The following TNC variants were observed in gnomAD, a reference collection of about 807,000 sequenced individuals.
TNC encodes tenascin.
Under a neutral mutation model 202.4 loss-of-function variants are expected in TNC, and 109 were observed. That is an observed-to-expected ratio of 0.54 (90% CI 0.46 to 0.63). TNC has a LOEUF of 0.63. Among genes scored for constraint, TNC ranks in the 30% least tolerant of loss-of-function variants. The pLI, the probability that TNC is intolerant of heterozygous loss-of-function variation, is 0.00. For missense variants in TNC, 2,756 were observed against 2,833.3 expected, an observed-to-expected ratio of 0.97 and a Z score of 0.62; for synonymous variants, 1,007 against 1,089.7, an observed-to-expected ratio of 0.92 and a Z score of 1.50.
chr9:115,022,003 A>C (rs1829109420), intron 27 of TNC, among the ~76,000 whole-genome samples: 2 of 152,232 alleles, frequency 1.3e-5, no homozygotes, highest in African/African-American at 2.4e-5. Context: ...AATTTTGGCC[A>C]AAGCTTTCTA....
chr9:115,099,318 C>A (rs977843134), intron 1 of TNC, among the ~76,000 whole-genome samples: 1 of 152,114 alleles, frequency 6.6e-6, no homozygotes, highest in Admixed American at 6.5e-5. Context: ...AGCTCACAGT[C>A]AGGTATAGAA....
chr9:115,057,261 G>T lies in TNC; in HGVS notation c.4471C>A (p.Arg1491=). 6.2e-7 allele frequency: 1 copy of T among 1,614,122 alleles called. No individual in the cohort carries two copies. Among genetic ancestry groups the T allele is most frequent in the African/African-American group, 1.3e-5 (1 of 75,012 alleles). Residue 1491 remains arginine, a synonymous_variant, in exon 15 of 28, where the codon CGA becomes AGA. Transcript: ENST00000350763. ...TVEYNISGAE[R]TAHISGLPPS... ...GGTAGCCCTGAGATATGGGCAGTTC[G>T]TTCAGCACCAGAGATATTATATTCC...
intron 6 of TNC, among the ~76,000 whole-genome samples, chr9:115,079,183 T>C (rs1328246440): frequency 6.6e-6 from 1 of 152,114 alleles, no homozygotes; most frequent in Non-Finnish European, 1.5e-5. Flanking sequence ...AGGCATATTC[T>C]GGGTATTCAG....
In TNC at chr9:115,110,110, C is replaced by A. The variant is rs147316255; in HGVS notation, c.-137+7872G>T. On this transcript the variant is annotated intron_variant, in intron 1 of 27. Coordinates refer to ENST00000350763, the MANE Select transcript of TNC (RefSeq NM_002160.4). ...TGACAGTAAAAGGGCATCTAATTTA[C>A]CTGGAGGAAGTGGTGCCTGAACTGA... 2.3e-4 allele frequency among the ~76,000 whole-genome samples: 35 copies of A among 152,034 alleles called. No homozygotes were observed. In the East Asian group the frequency reaches 6.6e-3, roughly 29 times the overall value.
chr9:115,087,698 C>CTTTTTTTTTTTTTTT (rs752435283), intron 2 of TNC, among the ~76,000 whole-genome samples: 3 of 119,736 alleles, frequency 2.5e-5, no homozygotes, highest in Non-Finnish European at 3.4e-5. Context: ...TCTTTCTTTT[C>CTTTTTTTTTTTTTTT]TTTTTTTTTT....
chr9:115,038,605 T>C (rs1830508150), intron 19 of TNC, among the ~76,000 whole-genome samples: 1 of 152,208 alleles, frequency 6.6e-6, no homozygotes, highest in South Asian at 2.1e-4. Context: ...ATGTGTAAAA[T>C]AGGGATAGTA....
intron 15 of TNC, chr9:115,053,051 A>G: frequency 1.5e-6 from 1 of 682,966 alleles, no homozygotes. Flanking sequence ...AAAGAGAGAG[A>G]CATTATTAGA....
chr9:115,027,566 G>C (rs374989643), intron 25 of TNC, among the ~76,000 whole-genome samples: 12 of 152,154 alleles, frequency 7.9e-5, no homozygotes, highest in Middle Eastern at 3.4e-3. Flanking sequence ...TTCCAGCCTC[G>C]GCGACAGAGT....
rs1223218394 is a variant in TNC at position 115,073,676 on chromosome 9, C to T, written c.3141G>A (p.Gln1047=). The T allele has an allele frequency of 1.9e-6, 3 of 1,614,078 alleles. No homozygotes were observed. Among genetic ancestry groups the T allele is most frequent in the Non-Finnish European group, 2.5e-6 (3 of 1,180,034 alleles). ...CGGCTGTCAGGAGGACATTGTACTC[C>T]TGTCCTGGTTCCAGGCCTCTCAGGA... The part of the protein sequence containing the change: ...SYVLRGLEPG[Q]EYNVLLTAEK... The change falls in exon 10 of 28, where the codon CAG becomes CAA. Residue 1047 remains glutamine, a synonymous_variant. Coordinates refer to ENST00000350763, the MANE Select transcript of TNC (RefSeq NM_002160.4).
At chr9:115,117,719 C>T (rs1837570511) in intron 1 of TNC, among the ~76,000 whole-genome samples, 1 of 152,182 alleles carries the variant, frequency 6.6e-6, no homozygotes, top group Non-Finnish European at 1.5e-5. Flanking sequence ...TACTTTTCCT[C>T]TGCAGAACAG....
intron 1 of TNC, among the ~76,000 whole-genome samples, chr9:115,114,001 G>T (rs1248637380): frequency 6.6e-6 from 1 of 152,176 alleles, no homozygotes; most frequent in African/African-American, 2.4e-5. Context: ...TTGGTTTGCA[G>T]ACTTTTCTCC....
At chr9:115,092,414 CTAAA>C (rs1203382806) in intron 1 of TNC, among the ~76,000 whole-genome samples, 1 of 151,988 alleles carries the variant, frequency 6.6e-6, no homozygotes, top group Non-Finnish European at 1.5e-5. Context: ...AGTTGAGAAA[CTAAA>C]TAAAGACAGG....
Position 115,063,951 on chromosome 9 carries a change from GC to G in TNC, c.3604del (p.Ala1202LeufsTer4). 6.2e-7 allele frequency: 1 copy of G among 1,614,142 alleles called. No individual in the cohort carries two copies. The highest frequency in any genetic ancestry group is 1.6e-4 in the Middle Eastern group (1 of 6,062). On this transcript the variant is annotated frameshift_variant, in exon 12 of 28. Coordinates refer to ENST00000350763, the MANE Select transcript of TNC (RefSeq NM_002160.4). LOFTEE classifies it high-confidence loss of function. ...YEYFFIQVQE[A>X]DTVEAAQNLT... Reference sequence around the variant, plus strand: ...GTTCTGGGCTGCCTCTACTGTGTCAGCCTCCTGCACCTGAATGAAAAAGTAC... The same window carrying G: ...GTTCTGGGCTGCCTCTACTGTGTCAGCTCCTGCACCTGAATGAAAAAGTAC...
At position 115,073,523 on chromosome 9, in the gene TNC, A is replaced by G. The variant is rs112017632; in HGVS notation, c.3214+80T>C. The G allele has an allele frequency of 1.0e-5, 16 of 1,528,020 alleles. No individual in the cohort carries two copies. The African/African-American group carries it at 1.8e-4, about 17-fold the overall frequency. The allele number at this position is 1,528,020 out of a possible 1,614,324, so 94.7% of individuals were successfully genotyped here. A position where few individuals can be genotyped will look rare whatever the true frequency, so the allele number is the denominator to read the frequency against. On this transcript the variant is annotated intron_variant, in intron 10 of 27. Transcript: ENST00000350763. ...GCTTGCTTTTGCATTTGGCTTTCTC[A>G]TGTGAGGACACCCTGGCTGAGGAGA...
chr9:115,067,916 G>T (rs1401015798), intron 10 of TNC, among the ~76,000 whole-genome samples: 1 of 151,816 alleles, frequency 6.6e-6, no homozygotes, highest in Non-Finnish European at 1.5e-5. Flanking sequence ...TGTCAGTAGT[G>T]GATGCTACGT....
At chr9:115,058,537 C>G (rs1832302054) in intron 14 of TNC, among the ~76,000 whole-genome samples, 1 of 152,148 alleles carries the variant, frequency 6.6e-6, no homozygotes, top group Non-Finnish European at 1.5e-5. Context: ...AAAAGGAGGT[C>G]CGGGTGCCTT....
At chr9:115,025,653 G>A (rs946791559) in intron 26 of TNC, among the ~76,000 whole-genome samples, 1 of 151,884 alleles carries the variant, frequency 6.6e-6, no homozygotes, top group Non-Finnish European at 1.5e-5. Context: ...ACAAATCACT[G>A]AGCTCTTCTG....
At chr9:115,038,184 G>A in intron 20 of TNC, 77 bp downstream of exon 20, 1 of 1,543,922 alleles carries the variant, frequency 6.5e-7, no homozygotes, top group Non-Finnish European at 8.8e-7. Flanking sequence ...AATGTGGCAG[G>A]GAGAAGAGCG....
intron 17 of TNC, among the ~76,000 whole-genome samples, chr9:115,045,541 AT>A (rs61415443): frequency 0.025 from 2,718 of 110,092 alleles, 33 homozygotes; most frequent in African/African-American, 0.066. Flanking sequence ...TAAGTTTTTG[AT>A]TTTTTTTTTT....
Sources: gnomAD v4.1 joint callset for allele counts (sites outside exome capture counted in the v4.1 genomes callset) on GRCh38, gnomAD v4.1.1 for gene constraint, MANE v1.5 for transcripts, NCBI Gene and HGNC (gene_info 2026-07-23, HGNC 2026-07-21) for gene names.